The following SLC12A8 variants were observed in gnomAD, a reference collection of about 807,000 sequenced individuals.
SLC12A8 encodes the protein solute carrier family 12 member 8, also known as cation-chloride cotransporter 9.
Under a neutral mutation model 75.6 loss-of-function variants are expected in SLC12A8, and 69 were observed. The ratio of observed to expected loss-of-function variants is 0.91; its 90% confidence interval spans 0.75 to 1.11. The LOEUF is 1.11. Ranked by LOEUF, SLC12A8 falls within the 50% of genes most tolerant of loss-of-function variation. SLC12A8 has a pLI of 0.00. For missense variants in SLC12A8, 877 were observed against 896.7 expected, an observed-to-expected ratio of 0.98 and a Z score of 0.28; for synonymous variants, 365 against 372.8, an observed-to-expected ratio of 0.98 and a Z score of 0.24.
At chr3:125,122,661 C>A (rs546265679) in intron 6 of SLC12A8, among the ~76,000 whole-genome samples, 1 of 152,222 alleles carries the variant, frequency 6.6e-6, no homozygotes, top group Non-Finnish European at 1.5e-5. Flanking sequence ...TAAAGCCCTG[C>A]TCAAGAATCA....
At chr3:125,181,416 A>C (rs1934655043) in intron 4 of SLC12A8, among the ~76,000 whole-genome samples, 1 of 150,480 alleles carries the variant, frequency 6.6e-6, no homozygotes, top group Non-Finnish European at 1.5e-5. Flanking sequence ...CCTGGCTAAC[A>C]AGGTGAAACC....
intron 4 of SLC12A8, among the ~76,000 whole-genome samples, chr3:125,183,905 G>A (rs188709096): frequency 6.8e-4 from 104 of 152,178 alleles, no homozygotes; most frequent in African/African-American, 2.4e-3. Flanking sequence ...AGGGATGAAG[G>A]GGGAAGGGTT....
chr3:125,190,462 C>A lies in SLC12A8; in HGVS notation c.111G>T (p.Val37=). ...ACACACCATCCCAGGTCCCAAACAGCACAGGCTCCCACATGAACAGCTGGG... is the reference window on the plus strand; with the variant it reads ...ACACACCATCCCAGGTCCCAAACAGAACAGGCTCCCACATGAACAGCTGGG... ...WKTQLFMWEP[V]LFGTWDGVFT... Residue 37 remains valine, a synonymous_variant, in exon 3 of 14, where the codon GTG becomes GTT. Coordinates refer to ENST00000469902, the MANE Select transcript of SLC12A8 (RefSeq NM_024628.6). 6.2e-7 allele frequency: 1 copy of A among 1,614,234 alleles called. No homozygotes were observed. The highest frequency in any genetic ancestry group is 8.5e-7 in the Non-Finnish European group (1 of 1,180,046).
At chr3:125,126,574 C>T (rs571343131) in intron 6 of SLC12A8, among the ~76,000 whole-genome samples, 73 of 152,290 alleles carry the variant, frequency 4.8e-4, no homozygotes, top group South Asian at 1.9e-3. Context: ...ACCACAAGCC[C>T]GTTTCCCACC....
At chr3:125,138,258 G>A (rs150321019) in intron 5 of SLC12A8, among the ~76,000 whole-genome samples, 2 of 152,134 alleles carry the variant, frequency 1.3e-5, no homozygotes, top group African/African-American at 4.8e-5. Flanking sequence ...AAAATTAGCC[G>A]GCCGTGATGG....
At chr3:125,181,549 C>T (rs1000487428) in intron 4 of SLC12A8, among the ~76,000 whole-genome samples, 11 of 136,718 alleles carry the variant, frequency 8.0e-5, no homozygotes, top group Admixed American at 5.4e-4. Context: ...TGCAGTGAGC[C>T]GAGATTGCGC....
chr3:125,169,453 T>A (rs1026613132), intron 5 of SLC12A8, among the ~76,000 whole-genome samples: 1 of 152,060 alleles, frequency 6.6e-6, no homozygotes, highest in African/African-American at 2.4e-5. Flanking sequence ...AAGGACCCAC[T>A]GTTATTGGAA....
intron 13 of SLC12A8, among the ~76,000 whole-genome samples, chr3:125,087,501 G>T (rs1938489981): frequency 6.6e-6 from 1 of 152,330 alleles, no homozygotes; most frequent in African/African-American, 2.4e-5. Flanking sequence ...AACATGCAGG[G>T]TGGAAATATT....
intron 2 of SLC12A8, among the ~76,000 whole-genome samples, chr3:125,207,704 C>T (rs528136516): frequency 1.8e-4 from 27 of 152,308 alleles, no homozygotes; most frequent in Non-Finnish European, 3.7e-4. Flanking sequence ...CTGAAACACC[C>T]AGATCGTCAC....
intron 5 of SLC12A8, among the ~76,000 whole-genome samples, chr3:125,155,447 A>G (rs1024203887): frequency 3.9e-5 from 6 of 152,074 alleles, no homozygotes; most frequent in African/African-American, 1.4e-4. Flanking sequence ...ATTGATGTAG[A>G]CATCTGACAT....
Position 125,092,217 on chromosome 3 carries a change from T to C in SLC12A8, c.1706-19A>G, listed in dbSNP as rs770186374. ...AAGAAATCTAAAAAATAGCCAAAGA[T>C]TTGGCTGCCAAATTGCTATCAACTC... On this transcript the variant is annotated intron_variant, in intron 10 of 13. Coordinates refer to ENST00000469902, the MANE Select transcript of SLC12A8 (RefSeq NM_024628.6). 15 of 1,579,784 alleles carry C rather than the reference T, an allele frequency of 9.5e-6. No individual in the cohort carries two copies. The highest frequency in any genetic ancestry group is 3.3e-5 in the Admixed American group (2 of 59,730).
chr3:125,133,073 G>A (rs1023359091), intron 6 of SLC12A8, among the ~76,000 whole-genome samples: 1 of 152,174 alleles, frequency 6.6e-6, no homozygotes, highest in African/African-American at 2.4e-5. Context: ...ATTCCCAAAG[G>A]AGAGACTGGG....
At position 125,147,136 on chromosome 3, in the gene SLC12A8, C is replaced by T. The variant is rs150891812; in HGVS notation, c.623-11354G>A. 7.6e-3 allele frequency among the ~76,000 whole-genome samples: 1,155 copies of T among 152,336 alleles called. 4 individuals are homozygous for T. Among genetic ancestry groups the T allele is most frequent in the Middle Eastern group, 0.017 (5 of 294 alleles). ...ACGCCCAACTTCCAGGGAAGACTTC[C>T]GCAAAATCAAGGGCGCTGTTGTCCT... On this transcript the variant is annotated intron_variant, in intron 5 of 13. Coordinates refer to ENST00000469902, the MANE Select transcript of SLC12A8 (RefSeq NM_024628.6).
chr3:125,206,215 G>A (rs932741583), intron 2 of SLC12A8, among the ~76,000 whole-genome samples: 16 of 152,132 alleles, frequency 1.1e-4, no homozygotes, highest in African/African-American at 3.4e-4. Flanking sequence ...CAGAAAATAT[G>A]AGCCAAGCTT....
intron 8 of SLC12A8, among the ~76,000 whole-genome samples, chr3:125,114,550 G>T (rs1161960048): frequency 2.0e-5 from 3 of 152,000 alleles, no homozygotes; most frequent in Non-Finnish European, 2.9e-5. Context: ...TCAGCCTCTC[G>T]AGTAGCTGGA....
At chr3:125,150,572 T>C in intron 5 of SLC12A8, among the ~76,000 whole-genome samples, 1 of 152,164 alleles carries the variant, frequency 6.6e-6, no homozygotes, top group East Asian at 1.9e-4. Flanking sequence ...TCTAATGAGT[T>C]TCTAGATAAT....
chr3:125,099,914 G>A (rs1026989000), intron 10 of SLC12A8, among the ~76,000 whole-genome samples: 3 of 152,138 alleles, frequency 2.0e-5, no homozygotes, highest in Admixed American at 1.3e-4. Context: ...GGCAACAAGA[G>A]CGAAACTCTG....
intron 2 of SLC12A8, among the ~76,000 whole-genome samples, chr3:125,193,893 G>A (rs886743723): frequency 1.3e-5 from 2 of 152,172 alleles, no homozygotes; most frequent in Non-Finnish European, 2.9e-5. Context: ...AACACCAGGA[G>A]AGAGGTCTGG....
intron 5 of SLC12A8, among the ~76,000 whole-genome samples, chr3:125,162,500 G>A (rs936753344): frequency 3.3e-5 from 5 of 152,296 alleles, no homozygotes; most frequent in Admixed American, 2.6e-4. Context: ...CAACAGGAGC[G>A]TGGTGCAGAT....
Sources: allele counts gnomAD v4.1 joint callset (sites outside exome capture counted in the v4.1 genomes callset), GRCh38; gene constraint gnomAD v4.1.1; transcripts MANE v1.5; gene names NCBI Gene and HGNC (gene_info 2026-07-23, HGNC 2026-07-21).